CTTNBP2: variants seen among roughly 807,000 people sequenced by gnomAD.
CTTNBP2 encodes the protein cortactin-binding protein 2.
CTTNBP2 carries 108 observed loss-of-function variants against 156.9 expected under a neutral mutation model. The ratio of observed to expected loss-of-function variants is 0.69; its 90% confidence interval spans 0.59 to 0.81. CTTNBP2 has a LOEUF of 0.81. CTTNBP2 is among the 30% of genes least tolerant of loss of function. The probability of loss-of-function intolerance (pLI) is 0.00; values close to 1 mark genes in which losing one functional copy is unlikely to be tolerated. For synonymous variants in CTTNBP2, 767 were observed against 751.8 expected, an observed-to-expected ratio of 1.02 and a Z score of -0.33; for missense variants, 1,924 against 2,035.4, an observed-to-expected ratio of 0.95 and a Z score of 1.05.
At chr7:117,856,036 T>C (rs192391455) in intron 2 of CTTNBP2, among the ~76,000 whole-genome samples, 7 of 152,294 alleles carry the variant, frequency 4.6e-5, no homozygotes, top group Non-Finnish European at 1.0e-4. Flanking sequence ...AAAGATAATA[T>C]TGAAATCAAG....
chr7:117,764,626 C>A (rs1417954404), intron 9 of CTTNBP2, among the ~76,000 whole-genome samples: 2 of 152,146 alleles, frequency 1.3e-5, no homozygotes, highest in African/African-American at 4.8e-5. Flanking sequence ...TCACTCAACA[C>A]TTTTTTAATG....
At chr7:117,758,279 G>T (rs1191296546) in intron 10 of CTTNBP2, among the ~76,000 whole-genome samples, 1 of 152,110 alleles carries the variant, frequency 6.6e-6, no homozygotes, top group Non-Finnish European at 1.5e-5. Context: ...CAAGAACAAG[G>T]CTGTCCATAA....
chr7:117,748,650 C>T (rs1796466855), intron 12 of CTTNBP2, among the ~76,000 whole-genome samples: 1 of 152,222 alleles, frequency 6.6e-6, no homozygotes, highest in Admixed American at 6.5e-5. Flanking sequence ...TCATCCATCT[C>T]CTTTCTAACA....
rs1423566220 is a variant in CTTNBP2 at position 117,855,078 on chromosome 7, C to A, written c.189+6131G>T. ...GGGATTGCAGGCATGAGCCACCAAG[C>A]CCAGCCTGAGATATATCTTATAATC... On this transcript the variant is annotated intron_variant, in intron 2 of 22. Coordinates refer to ENST00000160373, the MANE Select transcript of CTTNBP2 (RefSeq NM_033427.3). Among the ~76,000 whole-genome samples the A allele has an allele frequency of 2.0e-5, 3 of 152,052 alleles. No individual in the cohort carries two copies. The East Asian group carries it at 5.8e-4, about 29-fold the overall frequency.
intron 12 of CTTNBP2, among the ~76,000 whole-genome samples, chr7:117,754,771 G>T (rs1264076787): frequency 6.6e-6 from 1 of 152,068 alleles, no homozygotes; most frequent in Non-Finnish European, 1.5e-5. Flanking sequence ...CAACAGTTTT[G>T]GTCTCTGATT....
chr7:117,798,666 C>A (rs1799452617), intron 3 of CTTNBP2, among the ~76,000 whole-genome samples: 2 of 151,848 alleles, frequency 1.3e-5, no homozygotes, highest in Non-Finnish European at 2.9e-5. Context: ...CCTAGTTTCA[C>A]CTTAAGAAGC....
intron 3 of CTTNBP2, among the ~76,000 whole-genome samples, chr7:117,802,451 A>AC (rs1799680920): frequency 7.2e-6 from 1 of 138,056 alleles, no homozygotes; most frequent in Admixed American, 7.0e-5. Flanking sequence ...AAAAAAAAAA[A>AC]AAAAAACAAA....
chr7:117,715,506 G>T, intron 22 of CTTNBP2, among the ~76,000 whole-genome samples: 1 of 140,756 alleles, frequency 7.1e-6, no homozygotes. Flanking sequence ...AGCCTCAAGT[G>T]GATTTCATCA....
intron 14 of CTTNBP2, among the ~76,000 whole-genome samples, chr7:117,737,914 G>A (rs1003560462): frequency 3.9e-5 from 6 of 152,172 alleles, no homozygotes; most frequent in East Asian, 1.9e-4. Context: ...GGCACTGGCC[G>A]AAGAATGGAG....
chr7:117,760,228 T>C (rs1797125569), intron 10 of CTTNBP2: 2 of 566,930 alleles, frequency 3.5e-6, no homozygotes. Flanking sequence ...TCTCTGAGTA[T>C]TATTTGGGGC....
intron 22 of CTTNBP2, among the ~76,000 whole-genome samples, chr7:117,716,192 T>TAA: frequency 1.0e-5 from 1 of 98,868 alleles, no homozygotes; most frequent in Non-Finnish European, 2.3e-5. Context: ...CTTTAAAAAA[T>TAA]ATCTTAAACA....
chr7:117,846,426 G>T lies in CTTNBP2; in HGVS notation c.189+14783C>A, dbSNP rs35231864. Among the ~76,000 whole-genome samples the T allele has an allele frequency of 3.6e-3, 540 of 152,068 alleles. 6 individuals are homozygous for T. Among genetic ancestry groups the T allele is most frequent in the African/African-American group, 0.012 (515 of 41,466 alleles). On this transcript the variant is annotated intron_variant, in intron 2 of 22. Transcript: ENST00000160373. ...AAAGTCAGTAATTTAACAATCAAAT[G>T]ATATATATTTCCATTAAGAAAAGGA...
rs144920028 is a variant in CTTNBP2 at position 117,760,494 on chromosome 7, T to A, written c.3113A>T (p.Asn1038Ile). 6.2e-7 allele frequency: 1 copy of A among 1,614,176 alleles called. No individual in the cohort carries two copies. The highest frequency in any genetic ancestry group is 8.5e-7 in the Non-Finnish European group (1 of 1,180,002). ...GCCGATGTTGGAATCAGTGGTGTTA[T>A]TGCAAGTCACGTCTTCCAGACTCCA... ...GWWSLEDVTC[N>I]NTTDSNIGLS... Residue 1038 changes from asparagine to isoleucine, a missense_variant, in exon 10 of 23, where the codon AAT becomes ATT. Physicochemically the swap from Asn to Ile is moderately radical, Grantham distance 149. Transcript: ENST00000160373.
chr7:117,822,525 C>G (rs895641509), intron 2 of CTTNBP2, among the ~76,000 whole-genome samples: 2 of 152,124 alleles, frequency 1.3e-5, no homozygotes, highest in Non-Finnish European at 2.9e-5. Context: ...AAATTTTCCT[C>G]TAAGCACTGT....
At chr7:117,864,804 CATATATATTCATTCA>C (rs1563077989) in intron 1 of CTTNBP2, among the ~76,000 whole-genome samples, 1 of 130,066 alleles carries the variant, frequency 7.7e-6, no homozygotes, top group African/African-American at 2.9e-5. Flanking sequence ...ATTCTATATT[CATATATATTCATTCA>C]ATATATATTC....
chr7:117,712,967 C>T (rs1009206847), intron 22 of CTTNBP2, among the ~76,000 whole-genome samples: 5 of 152,178 alleles, frequency 3.3e-5, no homozygotes, highest in African/African-American at 1.2e-4. Context: ...CACAGCAGGA[C>T]GTGAGCGGGG....
At chr7:117,778,625 T>C (rs1312806245) in intron 7 of CTTNBP2, among the ~76,000 whole-genome samples, 1 of 152,116 alleles carries the variant, frequency 6.6e-6, no homozygotes, top group Non-Finnish European at 1.5e-5. Context: ...CCAATCTGAC[T>C]TAACGACCCC....
rs773273939 is a variant in CTTNBP2, at chr7:117,796,211, G to A, written c.415-3430C>T. 2.6e-5 allele frequency among the ~76,000 whole-genome samples: 4 copies of A among 151,948 alleles called. No individual in the cohort carries two copies. The East Asian group carries it at 5.8e-4, about 22-fold the overall frequency. On this transcript the variant is annotated intron_variant, in intron 3 of 22. Coordinates refer to ENST00000160373, the MANE Select transcript of CTTNBP2 (RefSeq NM_033427.3). The stretch of plus-strand genomic sequence containing the variant: ...TCAGCACTTAACTTCATTCTCTCCC[G>A]TCACCTCTGGGACTCACTCCGTCAG...
chr7:117,747,265 G>C (rs1419402052), intron 12 of CTTNBP2, among the ~76,000 whole-genome samples: 1 of 152,098 alleles, frequency 6.6e-6, no homozygotes, highest in Non-Finnish European at 1.5e-5. Flanking sequence ...TCTCTGTGTT[G>C]TCTCTCTCTT....
Sources: allele counts gnomAD v4.1 joint callset (sites outside exome capture counted in the v4.1 genomes callset), GRCh38; gene constraint gnomAD v4.1.1; transcripts MANE v1.5; gene names NCBI Gene and HGNC (gene_info 2026-07-23, HGNC 2026-07-21).